The following STAT3 variants were observed in gnomAD, a reference collection of about 807,000 sequenced individuals.
STAT3 encodes DNA-binding protein APRF.
STAT3 carries 7 observed loss-of-function variants against 114.3 expected under a neutral mutation model. The observed-to-expected ratio is 0.06, with a 90% CI of 0.03 to 0.11. The LOEUF (loss-of-function observed/expected upper bound fraction) is 0.11, where lower values mean the gene tolerates loss of function less well. Ranked by LOEUF, STAT3 falls within the 10% of genes least tolerant of loss-of-function variation. The pLI, the probability that STAT3 is intolerant of heterozygous loss-of-function variation, is 1.00. For missense variants in STAT3, 364 were observed against 960.9 expected, an observed-to-expected ratio of 0.38 and a Z score of 8.21; for synonymous variants, 331 against 354.5, an observed-to-expected ratio of 0.93 and a Z score of 0.74.
intron 4 of STAT3, 123 bp downstream of exon 4, chr17:42,345,436 G>T: frequency 1.3e-6 from 1 of 798,288 alleles, no homozygotes. Flanking sequence ...GTATTTTTAT[G>T]ATTATTGATC....
chr17:42,355,001 C>G (rs1377078160), intron 1 of STAT3, among the ~76,000 whole-genome samples: 1 of 152,102 alleles, frequency 6.6e-6, no homozygotes, highest in Non-Finnish European at 1.5e-5. Flanking sequence ...TCCTTACAGG[C>G]TGCTTAGCTA....
intron 1 of STAT3, chr17:42,386,903 G>C (rs575685450): frequency 1.3e-5 from 2 of 152,224 alleles, no homozygotes; most frequent in African/African-American, 4.8e-5. Context: ...TAGCACTCCT[G>C]TCTGGAACAT....
chr17:42,366,949 T>A (rs1298838750), intron 1 of STAT3, among the ~76,000 whole-genome samples: 1 of 152,084 alleles, frequency 6.6e-6, no homozygotes, highest in African/African-American at 2.4e-5. Flanking sequence ...GAGACCAGCC[T>A]GGCCAACAAG....
chr17:42,329,919 C>A lies in STAT3; in HGVS notation c.1110-143G>T, dbSNP rs112994398. The A allele has an allele frequency of 5.7e-3, 5,461 of 950,382 alleles. 24 individuals carry two copies. Among genetic ancestry groups the A allele is most frequent in the Non-Finnish European group, 8.2e-3 (4,979 of 609,404 alleles). 58.9% of individuals were successfully genotyped at this position (950,382 alleles called of 1,614,324 possible). ...AAACTATTCAGTTACAGTTGATCAG[C>A]GCAACATAACACCTCTGCGTAGCAG... On this transcript the variant is annotated intron_variant, in intron 11 of 23. Transcript: ENST00000264657.
chr17:42,354,491 C>A (rs907700960), intron 1 of STAT3, among the ~76,000 whole-genome samples: 6 of 150,946 alleles, frequency 4.0e-5, no homozygotes, highest in African/African-American at 1.2e-4. Context: ...AAAACAGAAA[C>A]CAGCTAGTAG....
At chr17:42,365,169 C>T (rs2145196129) in intron 1 of STAT3, among the ~76,000 whole-genome samples, 1 of 152,230 alleles carries the variant, frequency 6.6e-6, no homozygotes, top group Admixed American at 6.5e-5. Flanking sequence ...ATGCTGAAAG[C>T]GGCGAGATGT....
At chr17:42,349,273 A>G (rs1188390561) in intron 1 of STAT3, among the ~76,000 whole-genome samples, 1 of 152,216 alleles carries the variant, frequency 6.6e-6, no homozygotes, top group Non-Finnish European at 1.5e-5. Context: ...CCAGATTTCT[A>G]TTCCCTTGTC....
At chr17:42,317,391 A>G in intron 21 of STAT3, 167 bp from the exon 22 acceptor site, 1 of 753,566 alleles carries the variant, frequency 1.3e-6, no homozygotes, top group Non-Finnish European at 2.3e-6. Flanking sequence ...GCCCTCATTT[A>G]TACTATTTGA....
chr17:42,321,859 T>C (rs2081498161), intron 21 of STAT3, among the ~76,000 whole-genome samples: 1 of 152,210 alleles, frequency 6.6e-6, no homozygotes, highest in Admixed American at 6.5e-5. Flanking sequence ...TATCTCACTC[T>C]ATCAGCCAGG....
intron 4 of STAT3, among the ~76,000 whole-genome samples, chr17:42,342,167 G>A (rs1425236775): frequency 6.6e-6 from 1 of 152,132 alleles, no homozygotes; most frequent in African/African-American, 2.4e-5. Flanking sequence ...TCACACCTGA[G>A]CATATCAGTT....
chr17:42,370,904 G>A (rs1006652581), intron 1 of STAT3, among the ~76,000 whole-genome samples: 3 of 151,964 alleles, frequency 2.0e-5, no homozygotes, highest in Non-Finnish European at 2.9e-5. Flanking sequence ...CCACCACACC[G>A]GGCCTCCCTG....
At chr17:42,351,057 G>A (rs142188226) in intron 1 of STAT3, among the ~76,000 whole-genome samples, 1,554 of 150,594 alleles carry the variant, frequency 0.01, 38 homozygotes, top group African/African-American at 0.032. Flanking sequence ...CTTGAACCCA[G>A]GAGGAGGAGG....
intron 1 of STAT3, among the ~76,000 whole-genome samples, chr17:42,353,347 C>CAAAAAAAAA (rs10659012): frequency 1.2e-5 from 1 of 80,782 alleles, no homozygotes. Flanking sequence ...GACTGCATAT[C>CAAAAAAAAA]AAAAAAAAAA....
intron 20 of STAT3, 103 bp from the exon 21 acceptor site, chr17:42,322,597 C>T: frequency 7.7e-7 from 1 of 1,303,362 alleles, no homozygotes; most frequent in African/African-American, 1.4e-5. Context: ...AGACTTAAGC[C>T]ACCCTAGTGT....
At chr17:42,326,326 A>G in intron 14 of STAT3, 127 bp from the exon 15 acceptor site, 1 of 776,294 alleles carries the variant, frequency 1.3e-6, no homozygotes. Flanking sequence ...TAAGCAGCAC[A>G]GCAAAACTCC....
chr17:42,355,959 G>C (rs2083205418), intron 1 of STAT3, among the ~76,000 whole-genome samples: 2 of 152,158 alleles, frequency 1.3e-5, no homozygotes, highest in African/African-American at 2.4e-5. Flanking sequence ...GTGATCTAAA[G>C]ATAACTTCTG....
chr17:42,351,502 T>C (rs1017984494), intron 1 of STAT3, among the ~76,000 whole-genome samples: 3 of 152,066 alleles, frequency 2.0e-5, no homozygotes, highest in Non-Finnish European at 4.4e-5. Flanking sequence ...GCCAAGAGTA[T>C]AGGCTTGAGC....
In STAT3 at chr17:42,348,520, G is replaced by A. The variant is rs1469956832; in HGVS notation, c.-4C>T. The A allele has an allele frequency of 6.2e-7, 1 of 1,613,386 alleles. No homozygotes were observed. The highest frequency in any genetic ancestry group is 1.1e-5 in the South Asian group (1 of 91,028). On this transcript the variant is annotated 5_prime_UTR_variant, in exon 2 of 24. Transcript: ENST00000264657. ...GTAGCTGATTCCATTGGGCCATCCT[G>A]CTAAAATCAGGGGTCCCAACTGTAA...
At chr17:42,319,541 CAAAAAAAAAAA>C (rs552897255) in intron 21 of STAT3, among the ~76,000 whole-genome samples, 5 of 43,848 alleles carry the variant, frequency 1.1e-4, no homozygotes, top group African/African-American at 3.5e-4. Context: ...GACTCAGGCT[CAAAAAAAAAAA>C]AAAAAAAAAA....
Sources: allele counts gnomAD v4.1 joint callset (sites outside exome capture counted in the v4.1 genomes callset), GRCh38; gene constraint gnomAD v4.1.1; transcripts MANE v1.5; gene names NCBI Gene and HGNC (gene_info 2026-07-23, HGNC 2026-07-21).